RHOQ: variants seen among roughly 807,000 people sequenced by gnomAD.
RHOQ encodes the protein rho-related GTP-binding protein RhoQ.
Under a neutral mutation model 25.8 loss-of-function variants are expected in RHOQ, and 7 were observed. The ratio of observed to expected loss-of-function variants is 0.27; its 90% CI spans 0.15 to 0.51. RHOQ has a LOEUF of 0.51. Among genes scored for constraint, RHOQ ranks in the 20% least tolerant of loss-of-function variants. The probability of loss-of-function intolerance (pLI) is 0.97; values close to 1 mark genes in which losing one functional copy is unlikely to be tolerated. For synonymous variants in RHOQ, 97 were observed against 98.6 expected (o/e 0.98, Z 0.10); for missense variants, 165 against 260.6 (o/e 0.63, Z 2.53).
chr2:46,554,456 C>T (rs963075383), intron 2 of RHOQ, among the ~76,000 whole-genome samples: 6 of 152,204 alleles, frequency 3.9e-5, no homozygotes, highest in Non-Finnish European at 7.3e-5. Context: ...TATTAAGGGG[C>T]TCGATAGACA....
chr2:46,575,043 G>T (rs1669065232), intron 2 of RHOQ, among the ~76,000 whole-genome samples: 1 of 152,148 alleles, frequency 6.6e-6, no homozygotes. Flanking sequence ...GTAGAATTTT[G>T]TGTCACATAA....
intron 4 of RHOQ, chr2:46,579,905 T>A (rs995916007): frequency 6.6e-6 from 1 of 151,938 alleles, no homozygotes; most frequent in African/African-American, 2.4e-5. Context: ...ACCACACATC[T>A]AGCCTTCGGC....
At chr2:46,551,215 T>A (rs965272905) in intron 2 of RHOQ, among the ~76,000 whole-genome samples, 2 of 152,212 alleles carry the variant, frequency 1.3e-5, no homozygotes, top group Non-Finnish European at 2.9e-5. Flanking sequence ...GATAAGGGAT[T>A]TCCTCAGCCC....
intron 2 of RHOQ, among the ~76,000 whole-genome samples, chr2:46,557,981 A>AT (rs1484007757): frequency 2.6e-5 from 4 of 151,806 alleles, no homozygotes; most frequent in Non-Finnish European, 5.9e-5. Context: ...CTATGATTAT[A>AT]TTTTTTTTCT....
At chr2:46,550,068 A>T (rs990871801) in intron 2 of RHOQ, among the ~76,000 whole-genome samples, 9 of 149,528 alleles carry the variant, frequency 6.0e-5, no homozygotes, top group Non-Finnish European at 1.3e-4. Context: ...ATTCTACTAA[A>T]TTTTTTTTTT....
At position 46,552,720 on chromosome 2, in the gene RHOQ, C is replaced by T. The variant is rs924734901; in HGVS notation, c.201+8908C>T. On this transcript the variant is annotated intron_variant, in intron 2 of 4. Coordinates refer to ENST00000238738, the MANE Select transcript of RHOQ (RefSeq NM_012249.4). This position sits in a 1 kb window ranked among gnomAD's most constrained non-coding sequence, Gnocchi z 5.0. The stretch of plus-strand genomic sequence containing the variant: ...CATCCAGTCAGTCAACATACATTTC[C>T]TGAGCACCAGATCTGGGCCAGGGGC... Among the ~76,000 whole-genome samples, 1 of 152,226 alleles carries T rather than the reference C, an allele frequency of 6.6e-6. No homozygotes were observed. Among genetic ancestry groups the T allele is most frequent in the Non-Finnish European group, 1.5e-5 (1 of 68,044 alleles).
intron 2 of RHOQ, among the ~76,000 whole-genome samples, chr2:46,572,107 GT>G (rs746265771): frequency 1.7e-3 from 113 of 66,260 alleles, no homozygotes; most frequent in African/African-American, 6.2e-3. Context: ...GTAAGTGTGT[GT>G]TTTTTTTTTT....
At chr2:46,554,011 A>G (rs1668331322) in intron 2 of RHOQ, among the ~76,000 whole-genome samples, 1 of 152,194 alleles carries the variant, frequency 6.6e-6, no homozygotes, top group African/African-American at 2.4e-5. Flanking sequence ...AGATCCTACA[A>G]ATAAGTGAGA....
rs908355378 is a variant in RHOQ at position 46,555,790 on chromosome 2, G to C, written c.201+11978G>C. Among the ~76,000 whole-genome samples, 1 of 152,184 alleles carries C rather than the reference G, an allele frequency of 6.6e-6. No individual in the cohort carries two copies. The highest frequency in any genetic ancestry group is 2.4e-5 in the African/African-American group (1 of 41,432). ...GGCCCTCTGTGATAAGTCGGTAGGA[G>C]GGGGACATGGTGAGGATGCTGACCT... On this transcript the variant is annotated intron_variant, in intron 2 of 4. Transcript: ENST00000238738. This position sits in a 1 kb window ranked among gnomAD's most constrained non-coding sequence, Gnocchi z 4.3.
In RHOQ at chr2:46,555,515, G is replaced by C. The variant is rs576588445; in HGVS notation, c.201+11703G>C. ...TTGGCTTTCCTATCAGCTCATTTGA[G>C]AGGAAATTCTGACCTGTCTGGACAT... On this transcript the variant is annotated intron_variant, in intron 2 of 4. Transcript: ENST00000238738. This position sits in a 1 kb window ranked among gnomAD's most constrained non-coding sequence, Gnocchi z 4.3. Among the ~76,000 whole-genome samples, 1 of 152,212 alleles carries C rather than the reference G, an allele frequency of 6.6e-6. No individual in the cohort carries two copies. Among genetic ancestry groups the C allele is most frequent in the Admixed American group, 6.5e-5 (1 of 15,288 alleles).
chr2:46,543,354 AC>A, intron 1 of RHOQ, 166 bp downstream of exon 1: 1 of 689,558 alleles, frequency 1.5e-6, no homozygotes, highest in South Asian at 1.8e-5. Context: ...GCTCCTGGCA[AC>A]CCCTCGCCCG....
intron 2 of RHOQ, among the ~76,000 whole-genome samples, chr2:46,570,831 T>C (rs1440173383): frequency 6.6e-6 from 1 of 152,228 alleles, no homozygotes; most frequent in Non-Finnish European, 1.5e-5. Flanking sequence ...GGCTGGGGCT[T>C]ATCTGTTACC....
chr2:46,565,016 T>A (rs1307484309), intron 2 of RHOQ, among the ~76,000 whole-genome samples: 1 of 152,134 alleles, frequency 6.6e-6, no homozygotes, highest in African/African-American at 2.4e-5. Flanking sequence ...AATCCTTTTA[T>A]AGTGTGGAGG....
At chr2:46,543,347 C>T in intron 1 of RHOQ, 159 bp downstream of exon 1, 1 of 713,686 alleles carries the variant, frequency 1.4e-6, no homozygotes, top group Non-Finnish European at 2.3e-6. Context: ...AAGCTTCGCT[C>T]CTGGCAACCC....
intron 2 of RHOQ, among the ~76,000 whole-genome samples, chr2:46,562,022 C>T (rs1668593624): frequency 6.6e-6 from 1 of 152,170 alleles, no homozygotes; most frequent in South Asian, 2.1e-4. Flanking sequence ...TGAAGGGAGA[C>T]TCACACGATT....
intron 2 of RHOQ, among the ~76,000 whole-genome samples, chr2:46,547,012 G>T (rs1333727731): frequency 6.6e-6 from 1 of 152,150 alleles, no homozygotes; most frequent in African/African-American, 2.4e-5. Context: ...TGTATCAGAT[G>T]GTTTTCTGTC....
chr2:46,546,809 G>C (rs1160766541), intron 2 of RHOQ, among the ~76,000 whole-genome samples: 1 of 152,036 alleles, frequency 6.6e-6, no homozygotes, highest in Non-Finnish European at 1.5e-5. Flanking sequence ...GGGGAGTTTT[G>C]TGGGGAGAAA....
chr2:46,545,414 T>C (rs1317910299), intron 2 of RHOQ, among the ~76,000 whole-genome samples: 1 of 152,226 alleles, frequency 6.6e-6, no homozygotes, highest in African/African-American at 2.4e-5. Context: ...CACTCCCTGT[T>C]CAACAGGATG....
intron 2 of RHOQ, among the ~76,000 whole-genome samples, chr2:46,549,744 G>T (rs879805538): frequency 1.3e-5 from 2 of 152,154 alleles, no homozygotes. Context: ...TTGCATGTAC[G>T]GAGGCTGGGC....
Sources: allele counts gnomAD v4.1 joint callset (sites outside exome capture counted in the v4.1 genomes callset), GRCh38; gene constraint gnomAD v4.1.1; non-coding constraint Gnocchi (gnomAD v3.1); transcripts MANE v1.5; gene names NCBI Gene and HGNC (gene_info 2026-07-23, HGNC 2026-07-21).